The following ACACB variants were observed in gnomAD, a reference collection of about 807,000 sequenced individuals.
ACACB encodes acetyl-CoA carboxylase 2.
ACACB carries 209 observed loss-of-function variants against 278.8 expected under a neutral mutation model. The observed-to-expected ratio is 0.75, with a 90% CI of 0.67 to 0.84. The LOEUF (loss-of-function observed/expected upper bound fraction) is 0.84. Ranked by LOEUF, ACACB falls within the 40% of genes least tolerant of loss-of-function variation. ACACB has a pLI of 0.00. For synonymous variants in ACACB, 1,174 were observed against 1,285.6 expected (o/e 0.91, Z 1.86); for missense variants, 2,850 against 3,269.0 (o/e 0.87, Z 3.13).
chr12:109,209,719 G>C (rs973741002), intron 21 of ACACB, among the ~76,000 whole-genome samples: 7 of 150,812 alleles, frequency 4.6e-5, no homozygotes, highest in Admixed American at 1.3e-4. Context: ...TTGCAGCTTT[G>C]ATTTTCTGCC....
intron 2 of ACACB, among the ~76,000 whole-genome samples, chr12:109,150,970 TC>T (rs2043355215): frequency 6.8e-6 from 1 of 147,112 alleles, no homozygotes; most frequent in Non-Finnish European, 1.5e-5. Context: ...TCTTTTCTTT[TC>T]TTTTTTCTTT....
At chr12:109,158,406 G>A (rs1196790920) in intron 2 of ACACB, among the ~76,000 whole-genome samples, 1 of 151,094 alleles carries the variant, frequency 6.6e-6, no homozygotes, top group Non-Finnish European at 1.5e-5. Flanking sequence ...TGTTGGCTGG[G>A]CATGGTGGCT....
chr12:109,176,234 G>T lies in ACACB; in HGVS notation c.1408G>T (p.Ala470Ser), dbSNP rs758908393. Residue 470 changes from alanine to serine, a missense_variant, in exon 9 of 53, where the codon GCG (alanine) becomes TCG (serine). This residue lies in a region of ACACB where 2,265 missense variants were observed against 2,561.3 expected (regional missense o/e 0.88). Transcript: ENST00000338432. ...GGKGIRKAES[A>S]EDFPILFRQV... ...GAAGGGAATCCGGAAGGCTGAGAGT[G>T]CGGAGGACTTCCCGATCCTTTTCAG... 6.2e-7 allele frequency: 1 copy of T among 1,614,214 alleles called. No individual in the cohort carries two copies. The highest frequency in any genetic ancestry group is 1.1e-5 in the South Asian group (1 of 91,092).
At chr12:109,173,798 A>G (rs1056075183) in intron 6 of ACACB, among the ~76,000 whole-genome samples, 3 of 152,154 alleles carry the variant, frequency 2.0e-5, no homozygotes, top group African/African-American at 4.8e-5. Context: ...TTGCTAACCT[A>G]TGGTCCAGCT....
intron 12 of ACACB, among the ~76,000 whole-genome samples, chr12:109,186,478 G>A (rs549523397): frequency 9.2e-5 from 14 of 152,222 alleles, no homozygotes; most frequent in African/African-American, 1.4e-4. Flanking sequence ...TTCTGGCCCC[G>A]TGTGCTTTTT....
At chr12:109,162,276 G>A (rs2043753000) in intron 2 of ACACB, among the ~76,000 whole-genome samples, 1 of 152,168 alleles carries the variant, frequency 6.6e-6, no homozygotes, top group African/African-American at 2.4e-5. Context: ...ACCGTGCCCA[G>A]CGTAGCATTA....
At chr12:109,263,148 G>A (rs915703516) in intron 49 of ACACB, 2 of 151,148 alleles carry the variant, frequency 1.3e-5, no homozygotes, top group Non-Finnish European at 3.0e-5. Context: ...TGTTTTACTT[G>A]TCATCTTTAG....
intron 27 of ACACB, among the ~76,000 whole-genome samples, chr12:109,226,191 A>G (rs754506848): frequency 1.3e-5 from 2 of 152,094 alleles, no homozygotes; most frequent in African/African-American, 2.4e-5. Context: ...GGATCCTTTG[A>G]GCTCAGGAGT....
intron 2 of ACACB, chr12:109,154,768 G>C (rs1042517189): frequency 1.3e-5 from 2 of 152,746 alleles, no homozygotes; most frequent in Non-Finnish European, 2.9e-5. Flanking sequence ...ACTGCATCTC[G>C]GCCTCCGGGT....
chr12:109,175,800 G>A, intron 7 of ACACB, 131 bp from the exon 8 acceptor site: 1 of 684,094 alleles, frequency 1.5e-6, no homozygotes, highest in South Asian at 1.8e-5. Flanking sequence ...AAGCTGAAGG[G>A]AGTGTCTGTA....
At chr12:109,186,079 C>T (rs7964396) in intron 12 of ACACB, among the ~76,000 whole-genome samples, 2 of 151,922 alleles carry the variant, frequency 1.3e-5, no homozygotes, top group Non-Finnish European at 2.9e-5. Context: ...TACAGGCGCC[C>T]GCCACCACGC....
intron 44 of ACACB, 39 bp downstream of exon 44, chr12:109,254,373 GTTTC>G (rs758490559): frequency 8.1e-5 from 127 of 1,572,244 alleles, no homozygotes; most frequent in Admixed American, 2.1e-4. Context: ...CTGGTCTCGG[GTTTC>G]TTTCTAGGGC....
At chr12:109,130,993 G>A (rs1157699403) in intron 1 of ACACB, among the ~76,000 whole-genome samples, 2 of 152,146 alleles carry the variant, frequency 1.3e-5, no homozygotes, top group African/African-American at 2.4e-5. Context: ...GGGCTGTTGT[G>A]ATTACAGGAC....
rs777040512 is a variant in ACACB at position 109,233,812 on chromosome 12, G to A, written c.4204G>A (p.Ala1402Thr). ...CAAAGACACCCCCCTCTTCAGCGAG[G>A]CCCGCACCTCCCTATACTCCGAGGA... The part of the protein sequence containing the change: ...VPKDTPLFSE[A>T]RTSLYSEDDC... The change falls in exon 30 of 53, where the codon GCC (alanine) becomes ACC (threonine). Residue 1402 changes from alanine (A) to threonine (T), a missense_variant. Physicochemically the swap from Ala to Thr is moderately conservative, Grantham distance 58 (BLOSUM62 0). Transcript: ENST00000338432. 4.3e-6 allele frequency: 7 copies of A among 1,614,122 alleles called. No homozygotes were observed. The highest frequency in any genetic ancestry group is 2.2e-5 in the East Asian group (1 of 44,870).
intron 28 of ACACB, among the ~76,000 whole-genome samples, chr12:109,231,994 T>TC (rs1174515466): frequency 6.6e-6 from 1 of 152,162 alleles, no homozygotes; most frequent in East Asian, 1.9e-4. Context: ...CTTCCCCAAG[T>TC]CCAAGTTCCC....
In ACACB at chr12:109,210,157, G is replaced by A. The variant is rs369273499; in HGVS notation, c.3249+804G>A. Among the ~76,000 whole-genome samples the A allele has an allele frequency of 1.3e-3, 59 of 44,010 alleles. 1 individual carries two copies. The highest frequency in any genetic ancestry group is 1.6e-3 in the Non-Finnish European group (34 of 21,554). 28.9% of individuals were successfully genotyped at this position (44,010 alleles called of 152,430 possible). On this transcript the variant is annotated intron_variant, in intron 21 of 52. Coordinates refer to ENST00000338432, the MANE Select transcript of ACACB (RefSeq NM_001093.4). ...TGTGTATATATGTATATATACACAC[G>A]TGTGTATATGTATATATGTATATAT...
chr12:109,260,468 T>C lies in ACACB; in HGVS notation c.6497-12T>C. ...TGAGGGCCCTGAACTGGGAGGCTGC[T>C]TTGCTTTTCAGACATGTATGACCAG... is the stretch of plus-strand genomic sequence containing the variant. On this transcript the variant is annotated splice_polypyrimidine_tract_variant and intron_variant, in intron 47 of 52. Coordinates refer to ENST00000338432, the MANE Select transcript of ACACB (RefSeq NM_001093.4). The C allele has an allele frequency of 1.2e-6, 2 of 1,614,148 alleles. No individual in the cohort carries two copies. The highest frequency in any genetic ancestry group is 1.7e-6 in the Non-Finnish European group (2 of 1,179,992).
chr12:109,203,985 C>T (rs1434800450), intron 19 of ACACB, among the ~76,000 whole-genome samples: 1 of 152,036 alleles, frequency 6.6e-6, no homozygotes, highest in African/African-American at 2.4e-5. Flanking sequence ...CACATGGTCT[C>T]TTTTCTCCAG....
chr12:109,117,522 CAA>C (rs2042435932), intron 1 of ACACB, among the ~76,000 whole-genome samples: 1 of 152,088 alleles, frequency 6.6e-6, no homozygotes, highest in Non-Finnish European at 1.5e-5. Context: ...CAGCACCGTG[CAA>C]AAGTCTCCTT....
Sources: gnomAD v4.1 joint callset for allele counts (sites outside exome capture counted in the v4.1 genomes callset) on GRCh38, gnomAD v4.1.1 for gene constraint, gnomAD v4.1.1 regional missense constraint, MANE v1.5 for transcripts, NCBI Gene and HGNC (gene_info 2026-07-23, HGNC 2026-07-21) for gene names.